Variants in API5 observed in about 807,000 individuals in gnomAD.
API5 encodes FIF.
In API5, 6 loss-of-function variants were observed where a neutral mutation model predicts 71.9. That is an observed-to-expected ratio of 0.08 (90% CI 0.05 to 0.16). API5 has a LOEUF of 0.16. Among genes scored for constraint, API5 ranks in the 10% least tolerant of loss-of-function variants. The pLI is 1.00. For missense variants in API5, 332 were observed against 612.8 expected, an observed-to-expected ratio of 0.54 and a Z score of 4.84; for synonymous variants, 189 against 221.3, an observed-to-expected ratio of 0.85 and a Z score of 1.30.
chr11:43,323,333 CT>C (rs1292108724), intron 5 of API5, 96 bp from the exon 6 acceptor site: 1 of 1,126,982 alleles, frequency 8.9e-7, no homozygotes, highest in Non-Finnish European at 1.3e-6. Context: ...AACAAACTGA[CT>C]TTAGTAACTG....
At chr11:43,318,594 C>T (rs1854757457) in intron 1 of API5, 46 bp from the exon 2 acceptor site, 4 of 1,600,014 alleles carry the variant, frequency 2.5e-6, no homozygotes, top group African/African-American at 1.3e-5. Flanking sequence ...CTTTGCTTCC[C>T]ATCCTTCAAA....
chr11:43,342,358 A>G (rs1305369334), intron 13 of API5, 70 bp from the exon 14 acceptor site: 2 of 1,304,204 alleles, frequency 1.5e-6, no homozygotes, highest in African/African-American at 1.5e-5. Flanking sequence ...GTTATGAGCT[A>G]CGTTTCTTCT....
chr11:43,328,873 G>T lies in API5; in HGVS notation c.1107G>T (p.Lys369Asn). ...TAACAGCCAAACTGAATGCAGAAAA[G>T]CTCAAAGATTTCAAAATCAGGTGAT... is the stretch of plus-strand genomic sequence containing the variant. ...DFLTAKLNAE[K>N]LKDFKIRLQY... Residue 369 changes from lysine (K) to asparagine (N), a missense_variant, in exon 9 of 14, where the codon AAG becomes AAT. Physicochemically the swap from Lys to Asn is moderately conservative, Grantham distance 94. This residue lies in a region of API5 where 168 missense variants were observed against 343.9 expected (regional missense o/e 0.49). Coordinates refer to ENST00000531273, the MANE Select transcript of API5 (RefSeq NM_001142930.2). 4.3e-6 allele frequency: 7 copies of T among 1,613,954 alleles called. No homozygotes were observed. The highest frequency in any genetic ancestry group is 5.1e-6 in the Non-Finnish European group (6 of 1,179,964).
At chr11:43,340,874 G>T (rs917663860) in intron 13 of API5, among the ~76,000 whole-genome samples, 5 of 152,100 alleles carry the variant, frequency 3.3e-5, no homozygotes, top group African/African-American at 1.2e-4. Context: ...CAGGACATTG[G>T]TCTGGGAAAA....
chr11:43,328,670 A>G (rs368533142), intron 8 of API5, 42 bp from the exon 9 acceptor site: 109 of 1,544,836 alleles, frequency 7.1e-5, no homozygotes, highest in Non-Finnish European at 8.9e-5. Flanking sequence ...TAATTTGAAT[A>G]TGTAGAACAG....
In API5 at chr11:43,343,941, A is replaced by G. The variant is rs2134396494; in HGVS notation, c.*1431A>G. The G allele has an allele frequency of 6.5e-6, 1 of 152,760 alleles. No individual in the cohort carries two copies. Among genetic ancestry groups the G allele is most frequent in the Middle Eastern group, 3.4e-3 (1 of 294 alleles). 9.5% of individuals were successfully genotyped at this position (152,760 alleles called of 1,614,324 possible). ...TACCTCTACACTGCAGAAGAAGCAA[A>G]ACTCCTTTATTAGAATTACTGCACA... On this transcript the variant is annotated 3_prime_UTR_variant, in exon 14 of 14. Transcript: ENST00000531273.
chr11:43,316,087 T>G (rs1854659163), intron 1 of API5, among the ~76,000 whole-genome samples: 1 of 152,084 alleles, frequency 6.6e-6, no homozygotes, highest in Admixed American at 6.6e-5. Flanking sequence ...TGTAGGCTTC[T>G]TGGACTTTTA....
intron 1 of API5, 149 bp from the exon 2 acceptor site, chr11:43,318,491 C>G (rs773164718): frequency 1.5e-5 from 23 of 1,538,260 alleles, no homozygotes; most frequent in Non-Finnish European, 1.9e-5. Context: ...AGGTAAGTGT[C>G]AGTTTGAGCA....
At chr11:43,337,515 C>T (rs1371356100) in intron 13 of API5, among the ~76,000 whole-genome samples, 1 of 152,180 alleles carries the variant, frequency 6.6e-6, no homozygotes, top group East Asian at 1.9e-4. Flanking sequence ...GACACCTTTA[C>T]TTTAAGGATG....
At chr11:43,329,039 T>A in intron 9 of API5, 146 bp downstream of exon 9, 1 of 780,482 alleles carries the variant, frequency 1.3e-6, no homozygotes, top group South Asian at 1.9e-5. Context: ...TGGGCATGTT[T>A]GTAAACATAT....
intron 1 of API5, among the ~76,000 whole-genome samples, chr11:43,317,759 C>T (rs1448211730): frequency 6.6e-6 from 1 of 152,172 alleles, no homozygotes; most frequent in African/African-American, 2.4e-5. Context: ...CTCAGTGCAA[C>T]CTCTGCCTCC....
At chr11:43,315,660 A>C (rs1565099456) in intron 1 of API5, among the ~76,000 whole-genome samples, 1 of 152,132 alleles carries the variant, frequency 6.6e-6, no homozygotes, top group Non-Finnish European at 1.5e-5. Context: ...AATACCTCAA[A>C]TCTTCCAGTC....
chr11:43,329,957 T>C lies in API5; in HGVS notation c.1128-8T>C, dbSNP rs1565108376. On this transcript the variant is annotated splice_polypyrimidine_tract_variant and splice_region_variant and intron_variant, in intron 9 of 13. Coordinates refer to ENST00000531273, the MANE Select transcript of API5 (RefSeq NM_001142930.2). Reference sequence around the variant, plus strand: ...GAATTGCTAATTAACAAATACATTTTCATTTAGGCTGCAGTACTTTGCACG... The same window carrying C: ...GAATTGCTAATTAACAAATACATTTCCATTTAGGCTGCAGTACTTTGCACG... The C allele has an allele frequency of 1.2e-6, 2 of 1,611,992 alleles. No individual in the cohort carries two copies. The highest frequency in any genetic ancestry group is 1.7e-6 in the Non-Finnish European group (2 of 1,178,694).
At chr11:43,318,908 T>C (rs1020642602) in intron 2 of API5, 107 bp downstream of exon 2, 21 of 1,152,112 alleles carry the variant, frequency 1.8e-5, no homozygotes, top group Non-Finnish European at 2.3e-5. Flanking sequence ...TAAAATACTA[T>C]GGTATGGTCT....
At chr11:43,320,483 C>T (rs1161467066) in intron 2 of API5, among the ~76,000 whole-genome samples, 5 of 151,906 alleles carry the variant, frequency 3.3e-5, no homozygotes, top group African/African-American at 1.2e-4. Context: ...GTGACTCATG[C>T]CTGTAATCCC....
At chr11:43,340,806 G>T (rs1465882830) in intron 13 of API5, among the ~76,000 whole-genome samples, 1 of 152,002 alleles carries the variant, frequency 6.6e-6, no homozygotes, top group Non-Finnish European at 1.5e-5. Flanking sequence ...ATGGATGAAA[G>T]ACCTAAATGT....
intron 11 of API5, among the ~76,000 whole-genome samples, chr11:43,333,756 A>G (rs1350898630): frequency 6.6e-6 from 1 of 152,142 alleles, no homozygotes; most frequent in African/African-American, 2.4e-5. Flanking sequence ...GGTTTAAGTA[A>G]AGAGTAGACT....
At chr11:43,314,399 A>C (rs929509765) in intron 1 of API5, among the ~76,000 whole-genome samples, 3 of 152,142 alleles carry the variant, frequency 2.0e-5, no homozygotes, top group Non-Finnish European at 4.4e-5. Context: ...TTCTCATGTC[A>C]TCTTTATAAA....
chr11:43,338,648 T>TAA (rs35510804), intron 13 of API5, among the ~76,000 whole-genome samples: 41,253 of 96,522 alleles, frequency 0.43, 10,149 homozygotes, highest in Admixed American at 0.52. Flanking sequence ...CAATTGGAGG[T>TAA]AAAAAAAAAA....
Sources: allele counts gnomAD v4.1 joint callset (sites outside exome capture counted in the v4.1 genomes callset), GRCh38; gene constraint gnomAD v4.1.1; regional missense constraint gnomAD v4.1.1; transcripts MANE v1.5; gene names NCBI Gene and HGNC (gene_info 2026-07-23, HGNC 2026-07-21).